The following ATP2C1 variants were observed in gnomAD, a reference collection of about 807,000 sequenced individuals.
ATP2C1 encodes calcium-transporting ATPase type 2C member 1.
In ATP2C1, 31 loss-of-function variants were observed where a neutral mutation model predicts 120.5. That is an observed-to-expected ratio of 0.26 (90% CI 0.19 to 0.35). ATP2C1 has a LOEUF of 0.35. ATP2C1 is among the 10% of genes least tolerant of loss of function. The pLI is 1.00. For missense variants in ATP2C1, 731 were observed against 1,107.5 expected, an observed-to-expected ratio of 0.66 and a Z score of 4.83; for synonymous variants, 351 against 358.7, an observed-to-expected ratio of 0.98 and a Z score of 0.24.
chr3:130,886,483 C>T (rs2068975218), intron 1 of ATP2C1, among the ~76,000 whole-genome samples: 1 of 152,108 alleles, frequency 6.6e-6, no homozygotes, highest in Admixed American at 6.5e-5. Context: ...AGTTATTGCC[C>T]TTTTAAGGCT....
chr3:130,959,161 T>A, intron 11 of ATP2C1, 114 bp from the exon 12 acceptor site: 1 of 719,882 alleles, frequency 1.4e-6, no homozygotes, highest in South Asian at 1.5e-5. Flanking sequence ...CTAATTGTGA[T>A]CTGATATGCT....
rs149957869 is a variant in ATP2C1 at position 130,901,917 on chromosome 3, G to A, written c.6+7142G>A. Among the ~76,000 whole-genome samples the A allele has an allele frequency of 3.2e-3, 486 of 152,126 alleles. 1 individual carries two copies. Among genetic ancestry groups the A allele is most frequent in the Non-Finnish European group, 5.0e-3 (338 of 67,964 alleles). ...AAATGCTGGGTTGTCACAACTCAAA[G>A]TATGCTACTGGCATCCAGTGTGTAG... On this transcript the variant is annotated intron_variant, in intron 2 of 27. Coordinates refer to ENST00000510168, the MANE Select transcript of ATP2C1 (RefSeq NM_001378687.1).
At chr3:130,962,440 A>G (rs1294430731) in intron 12 of ATP2C1, among the ~76,000 whole-genome samples, 2 of 151,940 alleles carry the variant, frequency 1.3e-5, no homozygotes, top group African/African-American at 4.8e-5. Context: ...ATCTGAAATC[A>G]ATATTTATAA....
chr3:130,910,814 G>A (rs1314407363), intron 2 of ATP2C1, among the ~76,000 whole-genome samples: 3 of 74,420 alleles, frequency 4.0e-5, no homozygotes, highest in African/African-American at 1.6e-4. Context: ...GATCATGGTG[G>A]ATAAGCTTTT....
chr3:130,942,001 C>G (rs1406611565), intron 8 of ATP2C1, among the ~76,000 whole-genome samples: 1 of 152,068 alleles, frequency 6.6e-6, no homozygotes, highest in Non-Finnish European at 1.5e-5. Context: ...TATGTGTACA[C>G]AAATTACTCA....
intron 1 of ATP2C1, among the ~76,000 whole-genome samples, chr3:130,867,135 A>G (rs1431611550): frequency 1.3e-5 from 2 of 152,114 alleles, no homozygotes; most frequent in Non-Finnish European, 2.9e-5. Flanking sequence ...TTCTCCACTG[A>G]CCAGTGATTT....
rs777474394 is a variant in ATP2C1 at position 131,014,296 on chromosome 3, T to C, written c.2630-1856T>C. On this transcript the variant is annotated intron_variant, in intron 26 of 26. Coordinates refer to the ATP2C1 transcript ENST00000328560. ...TTGAATAGATATTCATAAAGTTGCT[T>C]AGCCTCAGGACATATGCTCAGGAGA... is the stretch of plus-strand genomic sequence containing the variant. The C allele has an allele frequency of 6.8e-6, 11 of 1,614,024 alleles. No individual in the cohort carries two copies. Among genetic ancestry groups the C allele is most frequent in the Non-Finnish European group, 9.3e-6 (11 of 1,180,008 alleles).
At chr3:130,997,794 G>A in intron 25 of ATP2C1, 41 bp downstream of exon 25, 1 of 1,603,168 alleles carries the variant, frequency 6.2e-7, no homozygotes. Context: ...CATGAATTCT[G>A]TATATCTGAT....
downstream of ATP2C1, among the ~76,000 whole-genome samples, chr3:131,004,595 G>C (rs922512536): frequency 6.6e-6 from 1 of 152,064 alleles, no homozygotes; most frequent in African/African-American, 2.4e-5. Context: ...ATATCCACTA[G>C]AGTGGTAAAT....
chr3:130,894,227 TCGCACCGCTGCCCCG>T lies in ATP2C1; in HGVS notation c.-288_-274del. ...CTCACGCCGGGAGCAGGCTCCCGCC[TCGCACCGCTGCCCCG>T]CGAGCAGCTCCTCTTCTCCCGAGGC... On this transcript the variant is annotated 5_prime_UTR_variant, in exon 1 of 28. Coordinates refer to ENST00000510168, the MANE Select transcript of ATP2C1 (RefSeq NM_001378687.1). This position sits in a 1 kb window ranked among gnomAD's most constrained non-coding sequence, Gnocchi z 4.5. The T allele has an allele frequency of 3.1e-6, 3 of 971,718 alleles. No individual in the cohort carries two copies. Among genetic ancestry groups the T allele is most frequent in the Non-Finnish European group, 3.6e-6 (3 of 826,376 alleles). 60.2% of individuals were successfully genotyped at this position (971,718 alleles called of 1,614,324 possible). A position where few individuals can be genotyped will look rare whatever the true frequency, so the allele number is the denominator to read the frequency against.
intron 22 of ATP2C1, among the ~76,000 whole-genome samples, chr3:130,994,823 TC>T (rs1234583745): frequency 1.3e-5 from 2 of 152,288 alleles, no homozygotes; most frequent in East Asian, 3.9e-4. Flanking sequence ...ATGAGTTTTT[TC>T]TTTCCATTAT....
chr3:130,989,203 C>T lies in ATP2C1; in HGVS notation c.1840-3748C>T, dbSNP rs1265530708. Among the ~76,000 whole-genome samples, 7 of 147,264 alleles carry T rather than the reference C, an allele frequency of 4.8e-5. No homozygotes were observed. The East Asian group carries it at 6.0e-4, about 13-fold the overall frequency. On this transcript the variant is annotated intron_variant, in intron 20 of 27. Coordinates refer to ENST00000510168, the MANE Select transcript of ATP2C1 (RefSeq NM_001378687.1). ...AGGCAGAGGTAGTGAGCCGAGATTG[C>T]GCCACTGCACTCCAGCCTGGGCTAC...
At chr3:130,996,931 G>C in intron 24 of ATP2C1, 135 bp downstream of exon 24, 1 of 721,100 alleles carries the variant, frequency 1.4e-6, no homozygotes, top group Non-Finnish European at 2.5e-6. Context: ...GTTATAAATT[G>C]TGTGATGTGT....
chr3:130,956,749 A>G (rs1022350828), intron 11 of ATP2C1, among the ~76,000 whole-genome samples: 1 of 152,168 alleles, frequency 6.6e-6, no homozygotes, highest in Non-Finnish European at 1.5e-5. Flanking sequence ...AAGTATTGTC[A>G]TTAACTTCAA....
At chr3:130,909,781 C>G (rs967780445) in intron 2 of ATP2C1, among the ~76,000 whole-genome samples, 1 of 152,030 alleles carries the variant, frequency 6.6e-6, no homozygotes, top group African/African-American at 2.4e-5. Flanking sequence ...ATGTGTTTGT[C>G]TGAATTATTA....
intron 5 of ATP2C1, among the ~76,000 whole-genome samples, chr3:130,936,776 C>T (rs560472363): frequency 6.7e-6 from 1 of 149,972 alleles, no homozygotes; most frequent in East Asian, 2.0e-4. Context: ...GAGATCACGC[C>T]CCTGCACACC....
chr3:130,924,357 T>G (rs527248411), intron 2 of ATP2C1, among the ~76,000 whole-genome samples: 1 of 152,322 alleles, frequency 6.6e-6, no homozygotes, highest in East Asian at 1.9e-4. Flanking sequence ...GATACAAAAT[T>G]CTTGGCTGAT....
chr3:131,008,417 CTG>C (rs2063196597), intron 26 of ATP2C1, among the ~76,000 whole-genome samples: 1 of 137,846 alleles, frequency 7.3e-6, no homozygotes. Context: ...CAGAACAAGA[CTG>C]TCTCAAAAAA....
At chr3:130,930,202 A>C in intron 2 of ATP2C1, 1 of 551,318 alleles carries the variant, frequency 1.8e-6, no homozygotes, top group Non-Finnish European at 3.3e-6. Flanking sequence ...CTAGCTGGGC[A>C]CCGATGGCTT....
Sources: gnomAD v4.1 joint callset for allele counts (sites outside exome capture counted in the v4.1 genomes callset) on GRCh38, gnomAD v4.1.1 for gene constraint, Gnocchi (gnomAD v3.1) non-coding constraint, MANE v1.5 for transcripts, NCBI Gene and HGNC (gene_info 2026-07-23, HGNC 2026-07-21) for gene names.